The following HCN1 variants were observed in gnomAD, a reference collection of about 807,000 sequenced individuals.
HCN1 encodes hyperpolarization activated cyclic nucleotide gated potassium channel 1.
HCN1 carries 13 observed loss-of-function variants against 78.9 expected under a neutral mutation model. The ratio of observed to expected loss-of-function variants is 0.16; its 90% CI spans 0.11 to 0.26. The LOEUF is 0.26. HCN1 is among the 10% of genes least tolerant of loss of function. The pLI, the probability that HCN1 is intolerant of heterozygous loss-of-function variation, is 1.00. For synonymous variants in HCN1, 552 were observed against 455.5 expected (o/e 1.21, Z -2.70); for missense variants, 810 against 1,154.3 (o/e 0.70, Z 4.32).
chr5:45,260,651 C>T lies in HCN1; in HGVS notation c.*1270G>A, dbSNP rs918490779. The T allele has an allele frequency of 6.6e-6, 1 of 152,512 alleles. No individual in the cohort carries two copies. The highest frequency in any genetic ancestry group is 2.4e-5 in the African/African-American group (1 of 41,388). The allele number at this position is 152,512 out of a possible 1,614,324, so 9.4% of individuals were successfully genotyped here. On this transcript the variant is annotated 3_prime_UTR_variant, in exon 8 of 8. Coordinates refer to ENST00000303230, the MANE Select transcript of HCN1 (RefSeq NM_021072.4). ...TTTAAATTAATACCATAGTAAATTA[C>T]CAGCTACAGTGAAGACACAGACAAC...
intron 4 of HCN1, among the ~76,000 whole-genome samples, chr5:45,388,718 C>G (rs1747977789): frequency 6.6e-6 from 1 of 152,122 alleles, no homozygotes; most frequent in South Asian, 2.1e-4. Context: ...CCATTTGGAG[C>G]AGTGTCATCC....
intron 5 of HCN1, among the ~76,000 whole-genome samples, chr5:45,325,086 T>C (rs542906661): frequency 6.6e-6 from 1 of 151,788 alleles, no homozygotes; most frequent in South Asian, 2.1e-4. Flanking sequence ...CTCAGGATTA[T>C]TACAAGGCCG....
chr5:45,602,808 T>C (rs1211395277), intron 2 of HCN1, among the ~76,000 whole-genome samples: 1 of 152,228 alleles, frequency 6.6e-6, no homozygotes. Context: ...AGTTTTGATA[T>C]AGTGGCAAAA....
intron 6 of HCN1, among the ~76,000 whole-genome samples, chr5:45,290,215 C>T (rs934653727): frequency 3.9e-5 from 6 of 152,028 alleles, no homozygotes; most frequent in Non-Finnish European, 5.9e-5. Context: ...GACTCCCCAG[C>T]CATGTGGAGC....
intron 2 of HCN1, among the ~76,000 whole-genome samples, chr5:45,484,278 CAA>C (rs1262526742): frequency 6.6e-6 from 1 of 151,834 alleles, no homozygotes; most frequent in Non-Finnish European, 1.5e-5. Context: ...AAAAAAAATA[CAA>C]AAAAATTAGC....
chr5:45,412,026 T>C (rs1035451908), intron 3 of HCN1, among the ~76,000 whole-genome samples: 1 of 152,048 alleles, frequency 6.6e-6, no homozygotes, highest in Non-Finnish European at 1.5e-5. Flanking sequence ...CTTAACCTCC[T>C]CCAATGTGGA....
intron 2 of HCN1, among the ~76,000 whole-genome samples, chr5:45,530,448 TA>T (rs563865615): frequency 1.2e-3 from 182 of 149,818 alleles, no homozygotes; most frequent in African/African-American, 3.8e-3. Context: ...TTTTTTTTTT[TA>T]AAATAAAGGG....
At chr5:45,462,058 T>A in intron 2 of HCN1, 51 bp from the exon 3 acceptor site, 2 of 1,412,954 alleles carry the variant, frequency 1.4e-6, no homozygotes, top group Non-Finnish European at 2.0e-6. Context: ...TTTAGAAAAA[T>A]CAAGCATACT....
chr5:45,468,448 T>C (rs2111643746), intron 2 of HCN1, among the ~76,000 whole-genome samples: 1 of 152,148 alleles, frequency 6.6e-6, no homozygotes, highest in Non-Finnish European at 1.5e-5. Flanking sequence ...TTTTAGACAT[T>C]TCAGTTATTT....
At chr5:45,369,758 G>C (rs1324770819) in intron 4 of HCN1, among the ~76,000 whole-genome samples, 7 of 152,040 alleles carry the variant, frequency 4.6e-5, no homozygotes, top group Admixed American at 1.3e-4. Flanking sequence ...CTGCATTGTA[G>C]TTTTACTTGG....
intron 5 of HCN1, among the ~76,000 whole-genome samples, chr5:45,315,298 C>A (rs903889568): frequency 3.9e-5 from 6 of 152,172 alleles, no homozygotes; most frequent in Admixed American, 2.0e-4. Flanking sequence ...ATGGAACAAC[C>A]TGCTCCTGAA....
intron 6 of HCN1, among the ~76,000 whole-genome samples, chr5:45,273,039 A>T (rs893334844): frequency 6.6e-6 from 1 of 152,040 alleles, no homozygotes; most frequent in Admixed American, 6.6e-5. Context: ...TGTTTTAAGA[A>T]TCTTAGTGCA....
In HCN1 at chr5:45,281,007, A is replaced by C. The variant is rs186530031; in HGVS notation, c.1619-13754T>G. ...CTGCTAAAGAATCTGTGGCATTTAGATTCAGAGGCAAAAAAAAAAAATACA... is the reference window on the plus strand; with the variant it reads ...CTGCTAAAGAATCTGTGGCATTTAGCTTCAGAGGCAAAAAAAAAAAATACA... On this transcript the variant is annotated intron_variant, in intron 6 of 7. Transcript: ENST00000303230. 1.2e-3 allele frequency among the ~76,000 whole-genome samples: 183 copies of C among 150,826 alleles called. 1 individual carries two copies. Among genetic ancestry groups the C allele is most frequent in the African/African-American group, 4.2e-3 (172 of 40,714 alleles).
intron 6 of HCN1, among the ~76,000 whole-genome samples, chr5:45,279,214 T>C (rs1745116200): frequency 6.6e-6 from 1 of 152,178 alleles, no homozygotes; most frequent in Non-Finnish European, 1.5e-5. Flanking sequence ...ACATATTATC[T>C]TTTATATTTA....
At chr5:45,673,873 A>C (rs544520135) in intron 1 of HCN1, among the ~76,000 whole-genome samples, 1 of 151,688 alleles carries the variant, frequency 6.6e-6, no homozygotes, top group Admixed American at 6.6e-5. Flanking sequence ...TCAAGTATGA[A>C]ATTCTAATAC....
At chr5:45,264,311 A>G (rs937148495) in intron 7 of HCN1, among the ~76,000 whole-genome samples, 25 of 152,172 alleles carry the variant, frequency 1.6e-4, no homozygotes, top group African/African-American at 6.0e-4. Flanking sequence ...AATACTAGAC[A>G]GTCTCTGGCA....
At chr5:45,611,509 T>C (rs193047940) in intron 2 of HCN1, among the ~76,000 whole-genome samples, 1 of 151,946 alleles carries the variant, frequency 6.6e-6, no homozygotes, top group African/African-American at 2.4e-5. Flanking sequence ...TGAGCTCAAG[T>C]GACTTGCTCG....
Position 45,611,129 on chromosome 5 carries a change from C to T in HCN1, c.849+34056G>A, listed in dbSNP as rs2589180. ...GCACTGGCATGATCTTGGGTCACTG[C>T]AGCCTCAACCTCCCGGGTTCAAGAC... On this transcript the variant is annotated intron_variant, in intron 2 of 7. Transcript: ENST00000303230. Among the ~76,000 whole-genome samples, 1,029 of 151,406 alleles carry T rather than the reference C, an allele frequency of 6.8e-3. 8 individuals carry two copies. Among genetic ancestry groups the T allele is most frequent in the African/African-American group, 0.024 (987 of 41,294 alleles).
At chr5:45,318,910 T>C (rs577337862) in intron 5 of HCN1, among the ~76,000 whole-genome samples, 5 of 152,152 alleles carry the variant, frequency 3.3e-5, no homozygotes, top group Admixed American at 1.3e-4. Flanking sequence ...AGAGCAGGTC[T>C]TCTTGTTCTT....
Sources: allele counts gnomAD v4.1 joint callset (sites outside exome capture counted in the v4.1 genomes callset), GRCh38; gene constraint gnomAD v4.1.1; transcripts MANE v1.5; gene names NCBI Gene and HGNC (gene_info 2026-07-23, HGNC 2026-07-21).